The following PRKG1 variants were observed in gnomAD, a reference collection of about 807,000 sequenced individuals.
The protein encoded by PRKG1 is cGMP-dependent protein kinase 1.
PRKG1 carries 35 observed loss-of-function variants against 88.1 expected under a neutral mutation model. That is an observed-to-expected ratio of 0.40 (90% CI 0.30 to 0.53). PRKG1 has a LOEUF of 0.53. Ranked by LOEUF, PRKG1 falls within the 20% of genes least tolerant of loss-of-function variation. The pLI is 0.59. For missense variants in PRKG1, 540 were observed against 839.8 expected, an observed-to-expected ratio of 0.64 and a Z score of 4.41; for synonymous variants, 303 against 292.5, an observed-to-expected ratio of 1.04 and a Z score of -0.37.
chr10:51,777,124 TAAAATA>T (rs1197535809), intron 3 of PRKG1, among the ~76,000 whole-genome samples: 6 of 152,176 alleles, frequency 3.9e-5, no homozygotes, highest in Non-Finnish European at 8.8e-5. Context: ...CATGGACTGA[TAAAATA>T]GTAGTCTAAT....
intron 3 of PRKG1, among the ~76,000 whole-genome samples, chr10:51,739,590 G>A (rs1185439663): frequency 6.6e-6 from 1 of 152,004 alleles, no homozygotes; most frequent in Admixed American, 6.5e-5. Context: ...GAAAGGAGGG[G>A]AGATCTCAGC....
At chr10:52,090,100 AC>A (rs1847018478) in intron 7 of PRKG1, among the ~76,000 whole-genome samples, 1 of 152,022 alleles carries the variant, frequency 6.6e-6, no homozygotes, top group Non-Finnish European at 1.5e-5. Context: ...GGCGTGAGCC[AC>A]CACACCCGGC....
intron 5 of PRKG1, among the ~76,000 whole-genome samples, chr10:51,981,846 T>C (rs1301884744): frequency 1.3e-5 from 2 of 152,176 alleles, no homozygotes; most frequent in African/African-American, 2.4e-5. Context: ...TTCCAGAATT[T>C]GAATGTTGGC....
chr10:51,045,707 G>A lies in PRKG1; in HGVS notation c.266+54063G>A, dbSNP rs551108798. 4.1e-4 allele frequency among the ~76,000 whole-genome samples: 63 copies of A among 152,032 alleles called. 1 individual carries two copies. Among genetic ancestry groups the A allele is most frequent in the African/African-American group, 1.5e-3 (62 of 41,464 alleles). On this transcript the variant is annotated intron_variant, in intron 1 of 17. Transcript: ENST00000401604. Reference sequence around the variant, plus strand: ...GTGCTCGTAATCACCATAAAACTTCGTGTTTATCTTTTTTAAACTAAATGT... The same window carrying A: ...GTGCTCGTAATCACCATAAAACTTCATGTTTATCTTTTTTAAACTAAATGT...
chr10:51,117,133 A>G (rs1357788713), intron 1 of PRKG1, among the ~76,000 whole-genome samples: 1 of 152,204 alleles, frequency 6.6e-6, no homozygotes, highest in African/African-American at 2.4e-5. Context: ...GAAATGCTTC[A>G]TGGGTATTCC....
intron 5 of PRKG1, chr10:51,909,264 T>G (rs1393007850): frequency 6.6e-6 from 1 of 152,204 alleles, no homozygotes; most frequent in Non-Finnish European, 1.5e-5. Context: ...TAAGTGATCT[T>G]TGGCAGGTAG....
rs146618255 is a variant in PRKG1 at position 52,156,387 on chromosome 10, G to A, written c.1002-5502G>A. The stretch of plus-strand genomic sequence containing the variant: ...TCTTTGTGTCTTATCTGTAATATAA[G>A]GCTCTAAATTCCTCAAAGTTGTACT... On this transcript the variant is annotated intron_variant, in intron 8 of 17. Coordinates refer to ENST00000373980, the MANE Select transcript of PRKG1 (RefSeq NM_006258.4). Among the ~76,000 whole-genome samples the A allele has an allele frequency of 3.6e-3, 541 of 151,844 alleles. 4 individuals carry two copies. The highest frequency in any genetic ancestry group is 0.012 in the African/African-American group (505 of 41,478).
chr10:51,755,826 T>C (rs1324104556), intron 3 of PRKG1, among the ~76,000 whole-genome samples: 2 of 152,188 alleles, frequency 1.3e-5, no homozygotes, highest in African/African-American at 2.4e-5. Context: ...ATCTACTTGG[T>C]TTAGGAATTT....
intron 3 of PRKG1, among the ~76,000 whole-genome samples, chr10:51,641,087 C>G (rs995963965): frequency 1.3e-5 from 2 of 151,708 alleles, no homozygotes; most frequent in African/African-American, 4.8e-5. Flanking sequence ...CAGAAAAAAG[C>G]CCTTTATAAT....
At chr10:51,629,613 A>G (rs958430395) in intron 3 of PRKG1, among the ~76,000 whole-genome samples, 1 of 152,148 alleles carries the variant, frequency 6.6e-6, no homozygotes, top group Non-Finnish European at 1.5e-5. Flanking sequence ...TGGCAAACTC[A>G]GGATATTCCA....
At chr10:51,864,171 T>A (rs1030061088) in intron 4 of PRKG1, among the ~76,000 whole-genome samples, 1 of 152,172 alleles carries the variant, frequency 6.6e-6, no homozygotes, top group Non-Finnish European at 1.5e-5. Context: ...ACTAAAGACA[T>A]CTCTACTAAC....
chr10:51,536,322 T>A (rs1842150827), intron 3 of PRKG1, among the ~76,000 whole-genome samples: 1 of 152,214 alleles, frequency 6.6e-6, no homozygotes, highest in Admixed American at 6.5e-5. Flanking sequence ...TTTATGTTTG[T>A]TAGCCATTTG....
intron 5 of PRKG1, among the ~76,000 whole-genome samples, chr10:51,972,344 T>C (rs893555226): frequency 6.6e-6 from 1 of 152,182 alleles, no homozygotes; most frequent in Non-Finnish European, 1.5e-5. Context: ...TGTTAACCAC[T>C]GTGTGCTATT....
At chr10:51,257,196 T>A (rs1413368634) in intron 2 of PRKG1, among the ~76,000 whole-genome samples, 1 of 150,920 alleles carries the variant, frequency 6.6e-6, no homozygotes, top group Non-Finnish European at 1.5e-5. Flanking sequence ...AGAAGATGAT[T>A]AGTTTTGTGT....
At chr10:51,390,209 C>A (rs1837360941) in intron 2 of PRKG1, among the ~76,000 whole-genome samples, 2 of 152,224 alleles carry the variant, frequency 1.3e-5, no homozygotes, top group African/African-American at 4.8e-5. Context: ...AAGCCACATA[C>A]CATGGCTTTA....
intron 2 of PRKG1, among the ~76,000 whole-genome samples, chr10:51,227,704 G>T (rs1838730508): frequency 6.6e-6 from 1 of 152,194 alleles, no homozygotes; most frequent in Admixed American, 6.5e-5. Flanking sequence ...TTCAGCAACA[G>T]CGAAGGGAAT....
intron 3 of PRKG1, among the ~76,000 whole-genome samples, chr10:51,684,153 G>T (rs760971532): frequency 7.9e-5 from 12 of 152,078 alleles, no homozygotes; most frequent in African/African-American, 1.4e-4. Flanking sequence ...ATAAAATGTG[G>T]TATATTCATA....
chr10:51,492,322 C>T (rs948850831), intron 3 of PRKG1, among the ~76,000 whole-genome samples: 1 of 152,048 alleles, frequency 6.6e-6, no homozygotes, highest in African/African-American at 2.4e-5. Flanking sequence ...GAAGAAAGAG[C>T]TCTTAGAAGA....
intron 3 of PRKG1, among the ~76,000 whole-genome samples, chr10:51,592,510 A>G (rs909447342): frequency 1.3e-5 from 2 of 152,118 alleles, no homozygotes; most frequent in African/African-American, 2.4e-5. Flanking sequence ...ATACTTGCCT[A>G]TTGATGAGAG....
Sources: gnomAD v4.1 joint callset for allele counts (sites outside exome capture counted in the v4.1 genomes callset) on GRCh38, gnomAD v4.1.1 for gene constraint, MANE v1.5 for transcripts, NCBI Gene and HGNC (gene_info 2026-07-23, HGNC 2026-07-21) for gene names.